Variants in ADGRV1 observed in about 807,000 individuals in gnomAD.
ADGRV1 encodes the protein G-protein coupled receptor 98.
In ADGRV1, 359 loss-of-function variants were observed where a neutral mutation model predicts 596.2. That is an observed-to-expected ratio of 0.60 (90% CI 0.55 to 0.66). The LOEUF (loss-of-function observed/expected upper bound fraction) is 0.66, where lower values mean the gene tolerates loss of function less well. Among genes scored for constraint, ADGRV1 ranks in the 30% least tolerant of loss-of-function variants. The pLI, the probability that ADGRV1 is intolerant of heterozygous loss-of-function variation, is 0.00. For synonymous variants in ADGRV1, 2,681 were observed against 2,679.2 expected (o/e 1.00, Z -0.02); for missense variants, 7,274 against 7,575.6 (o/e 0.96, Z 1.48).
chr5:90,596,653 GGCGGCGCGCGCCTGCAATT>G (rs1287566669), intron 1 of ADGRV1, among the ~76,000 whole-genome samples: 1 of 152,174 alleles, frequency 6.6e-6, no homozygotes, highest in East Asian at 1.9e-4. Context: ...AGTCAGGCGT[GGCGGCGCGCGCCTGCAATT>G]GCAGGCACTC....
At chr5:91,104,094 A>T (rs563813508) in intron 87 of ADGRV1, among the ~76,000 whole-genome samples, 93 of 152,116 alleles carry the variant, frequency 6.1e-4, no homozygotes, top group African/African-American at 2.1e-3. Flanking sequence ...AATTTTGTCA[A>T]TTAATTTTTT....
intron 85 of ADGRV1, among the ~76,000 whole-genome samples, chr5:91,000,290 A>G (rs1462197293): frequency 6.6e-6 from 1 of 152,140 alleles, no homozygotes; most frequent in African/African-American, 2.4e-5. Context: ...TGATAGATTT[A>G]TCAAACATGT....
chr5:90,804,409 A>G (rs1342036747), intron 71 of ADGRV1, among the ~76,000 whole-genome samples: 1 of 151,944 alleles, frequency 6.6e-6, no homozygotes, highest in Admixed American at 6.6e-5. Flanking sequence ...CTCAAGAAAA[A>G]AAAAAGAAGA....
chr5:90,625,190 T>C lies in ADGRV1; in HGVS notation c.619T>C (p.Phe207Leu), dbSNP rs1443874111. 1.7e-5 allele frequency: 28 copies of C among 1,613,526 alleles called. No individual in the cohort carries two copies. The highest frequency in any genetic ancestry group is 2.4e-5 in the Non-Finnish European group (28 of 1,179,690). Residue 207 changes from phenylalanine to leucine, a missense_variant, in exon 6 of 90, where the codon TTT (phenylalanine) becomes CTT (leucine). By Grantham distance (22) the Phe-to-Leu change is conservative (BLOSUM62 0). Coordinates refer to ENST00000405460, the MANE Select transcript of ADGRV1 (RefSeq NM_032119.4). ...GAGTCCAGTTAAAGGAAATATCACC[T>C]TTCCCCCTGGCAGAGCAACAGTAAT... ...DLSPVKGNITFPPGRATVIYN... is the reference protein window; with the variant it reads ...DLSPVKGNITLPPGRATVIYN...
At chr5:90,976,322 G>GTGTATATA (rs1420288881) in intron 84 of ADGRV1, among the ~76,000 whole-genome samples, 58 of 108,608 alleles carry the variant, frequency 5.3e-4, no homozygotes, top group African/African-American at 1.6e-3. Context: ...GTGTGTGTGT[G>GTGTATATA]TATATATATA....
chr5:90,756,240 T>C (rs576536171), intron 55 of ADGRV1, among the ~76,000 whole-genome samples: 47 of 152,298 alleles, frequency 3.1e-4, no homozygotes, highest in African/African-American at 1.1e-3. Flanking sequence ...AAGATTCCAT[T>C]GAAACATCAC....
intron 1 of ADGRV1, among the ~76,000 whole-genome samples, chr5:90,577,814 C>T (rs1310267846): frequency 6.6e-6 from 1 of 152,150 alleles, no homozygotes; most frequent in African/African-American, 2.4e-5. Flanking sequence ...TTGTAGTTCT[C>T]CTTGAAGAGA....
intron 82 of ADGRV1, among the ~76,000 whole-genome samples, chr5:90,859,601 A>G (rs958402761): frequency 7.9e-5 from 12 of 151,916 alleles, no homozygotes; most frequent in African/African-American, 2.9e-4. Context: ...AATTTAAAAA[A>G]TTATTTTAAA....
intron 87 of ADGRV1, among the ~76,000 whole-genome samples, chr5:91,104,681 C>G (rs1295813031): frequency 6.6e-6 from 1 of 152,032 alleles, no homozygotes. Flanking sequence ...TGAGAGCATG[C>G]AATGTCTAAC....
At chr5:90,865,045 C>CT (rs1767963539) in intron 83 of ADGRV1, among the ~76,000 whole-genome samples, 1 of 151,988 alleles carries the variant, frequency 6.6e-6, no homozygotes, top group African/African-American at 2.4e-5. Flanking sequence ...ATTCTGTCAC[C>CT]CTTTTTTGTT....
chr5:90,722,926 G>T (rs1428740148), intron 45 of ADGRV1, among the ~76,000 whole-genome samples: 1 of 151,902 alleles, frequency 6.6e-6, no homozygotes, highest in Non-Finnish European at 1.5e-5. Context: ...GATATGGGAT[G>T]ATGGCCTAGC....
chr5:90,948,300 A>G (rs928696241), intron 83 of ADGRV1, among the ~76,000 whole-genome samples: 2 of 152,040 alleles, frequency 1.3e-5, no homozygotes, highest in Admixed American at 1.3e-4. Context: ...ATGGTCAGTA[A>G]TATAAAATAC....
chr5:91,128,449 G>A (rs1469335946), intron 87 of ADGRV1, among the ~76,000 whole-genome samples: 1 of 152,142 alleles, frequency 6.6e-6, no homozygotes, highest in East Asian at 1.9e-4. Flanking sequence ...GCCACTTGAA[G>A]ACAGGTGCTA....
intron 77 of ADGRV1, among the ~76,000 whole-genome samples, chr5:90,840,192 C>A (rs1433052133): frequency 2.0e-5 from 3 of 152,116 alleles, no homozygotes; most frequent in Non-Finnish European, 4.4e-5. Context: ...AGCCTGCCCC[C>A]CAAAATTTCT....
At chr5:90,633,149 C>T (rs914111930) in intron 9 of ADGRV1, among the ~76,000 whole-genome samples, 2 of 152,080 alleles carry the variant, frequency 1.3e-5, no homozygotes, top group Admixed American at 1.3e-4. Context: ...AAGAATGATT[C>T]TTTATGAATG....
chr5:90,637,121 A>G (rs116119801), intron 10 of ADGRV1, among the ~76,000 whole-genome samples: 15 of 152,332 alleles, frequency 9.8e-5, no homozygotes, highest in Non-Finnish European at 1.6e-4. Context: ...CAAATAGGGA[A>G]TCATTAGCTT....
chr5:90,568,333 A>C (rs952130805), intron 1 of ADGRV1, among the ~76,000 whole-genome samples: 3 of 151,924 alleles, frequency 2.0e-5, no homozygotes, highest in Non-Finnish European at 4.4e-5. Context: ...CATTAATCTC[A>C]AATTATTTTC....
In ADGRV1 at chr5:91,103,181, T is replaced by C. The variant is rs572680713; in HGVS notation, c.18432+841T>C. 5.3e-5 allele frequency among the ~76,000 whole-genome samples: 8 copies of C among 152,280 alleles called. No homozygotes were observed. In the East Asian group the frequency reaches 1.2e-3, roughly 22 times the overall value. ...GGTTTGCACCTGAGCAGACAAACTC[T>C]TCAGTTAGATCATAGCTTACATGAT... On this transcript the variant is annotated intron_variant, in intron 87 of 89. Transcript: ENST00000405460.
intron 84 of ADGRV1, among the ~76,000 whole-genome samples, chr5:90,983,809 A>G (rs906461024): frequency 6.6e-6 from 1 of 152,218 alleles, no homozygotes; most frequent in Admixed American, 6.5e-5. Flanking sequence ...ATTCAGAGAC[A>G]CAAATCTCTA....
Sources: gnomAD v4.1 joint callset for allele counts (sites outside exome capture counted in the v4.1 genomes callset) on GRCh38, gnomAD v4.1.1 for gene constraint, MANE v1.5 for transcripts, NCBI Gene and HGNC (gene_info 2026-07-23, HGNC 2026-07-21) for gene names.